Variants in DAB1 observed in about 807,000 individuals in gnomAD.
DAB1 encodes the protein disabled homolog 1.
Under a neutral mutation model 64.6 loss-of-function variants are expected in DAB1, and 15 were observed. The ratio of observed to expected loss-of-function variants is 0.23; its 90% CI spans 0.16 to 0.36. DAB1 has a LOEUF of 0.36. DAB1 is among the 10% of genes least tolerant of loss of function. DAB1 has a pLI of 1.00. For synonymous variants in DAB1, 235 were observed against 251.9 expected (o/e 0.93, Z 0.64); for missense variants, 596 against 706.7 (o/e 0.84, Z 1.78).
chr1:57,591,289 T>G (rs1019746822), intron 7 of DAB1, among the ~76,000 whole-genome samples: 13 of 152,172 alleles, frequency 8.5e-5, no homozygotes, highest in Admixed American at 3.9e-4. Context: ...AAACAATACC[T>G]TTTTGCAGAG....
At chr1:58,058,994 C>T (rs1407376284) in intron 5 of DAB1, among the ~76,000 whole-genome samples, 1 of 152,182 alleles carries the variant, frequency 6.6e-6, no homozygotes, top group Non-Finnish European at 1.5e-5. Flanking sequence ...TACCTCAGTT[C>T]CTTTAAGACA....
chr1:57,936,818 C>T (rs950486014), intron 5 of DAB1, among the ~76,000 whole-genome samples: 4 of 152,284 alleles, frequency 2.6e-5, no homozygotes, highest in Admixed American at 2.6e-4. Flanking sequence ...TACAAACTTT[C>T]TGTGAGGGCC....
chr1:58,074,581 T>TAC (rs1649520922), intron 5 of DAB1, among the ~76,000 whole-genome samples: 1 of 131,546 alleles, frequency 7.6e-6, no homozygotes, highest in African/African-American at 2.7e-5. Context: ...TATATATATA[T>TAC]ATATATATAT....
chr1:57,678,403 A>G (rs1646593737), intron 6 of DAB1, among the ~76,000 whole-genome samples: 1 of 152,212 alleles, frequency 6.6e-6, no homozygotes, highest in Non-Finnish European at 1.5e-5. Context: ...ATAAGCTCCC[A>G]TCATCCTTGC....
intron 1 of DAB1, among the ~76,000 whole-genome samples, chr1:57,859,834 T>C (rs1653928528): frequency 6.6e-6 from 1 of 152,202 alleles, no homozygotes; most frequent in Non-Finnish European, 1.5e-5. Flanking sequence ...CCACTGTGAA[T>C]ACCAGGACTA....
intron 6 of DAB1, among the ~76,000 whole-genome samples, chr1:57,787,012 A>G (rs1650368258): frequency 6.6e-6 from 1 of 152,204 alleles, no homozygotes; most frequent in South Asian, 2.1e-4. Context: ...GAGAATTCAG[A>G]AAAGACCTAA....
At chr1:57,139,269 T>G (rs1373480058) in intron 3 of DAB1, among the ~76,000 whole-genome samples, 1 of 152,104 alleles carries the variant, frequency 6.6e-6, no homozygotes, top group Non-Finnish European at 1.5e-5. Context: ...GAGAAGGAGT[T>G]CATTCCCCTT....
intron 11 of DAB1, among the ~76,000 whole-genome samples, chr1:57,022,423 A>G (rs1456822950): frequency 6.6e-6 from 1 of 152,250 alleles, no homozygotes; most frequent in Admixed American, 6.5e-5. Flanking sequence ...AGATTGGGAA[A>G]CTTCACAATT....
chr1:57,923,281 T>C (rs1266345439), intron 5 of DAB1, among the ~76,000 whole-genome samples: 1 of 152,136 alleles, frequency 6.6e-6, no homozygotes, highest in East Asian at 1.9e-4. Flanking sequence ...TGAGAAAGTA[T>C]GTATCCTAGC....
At chr1:57,803,912 T>C (rs1430846098) in intron 6 of DAB1, among the ~76,000 whole-genome samples, 1 of 152,184 alleles carries the variant, frequency 6.6e-6, no homozygotes, top group Non-Finnish European at 1.5e-5. Context: ...TGGTTACCTC[T>C]TTTTTACAAC....
At chr1:57,137,699 T>G (rs1658252018) in intron 3 of DAB1, among the ~76,000 whole-genome samples, 1 of 152,166 alleles carries the variant, frequency 6.6e-6, no homozygotes, top group Non-Finnish European at 1.5e-5. Context: ...GCAGTTATGG[T>G]TCTGGGCTTT....
chr1:57,145,146 G>A (rs893487401), intron 3 of DAB1, 144 bp downstream of exon 3: 38 of 799,974 alleles, frequency 4.8e-5, no homozygotes, highest in Admixed American at 1.1e-4. Flanking sequence ...AATATCTTCC[G>A]AATGAAAAAA....
chr1:57,176,948 A>G (rs1429292927), intron 2 of DAB1, among the ~76,000 whole-genome samples: 1 of 86,142 alleles, frequency 1.2e-5, no homozygotes, highest in East Asian at 2.7e-4. Flanking sequence ...AGAAGCAGAT[A>G]AAAAAAAGAA....
At chr1:57,232,052 C>T (rs995241335) in intron 2 of DAB1, among the ~76,000 whole-genome samples, 1 of 152,202 alleles carries the variant, frequency 6.6e-6, no homozygotes, top group Non-Finnish European at 1.5e-5. Context: ...GTAGCTTAAA[C>T]CTGAGGCTTC....
intron 5 of DAB1, among the ~76,000 whole-genome samples, chr1:57,949,097 C>T (rs754741389): frequency 2.6e-5 from 4 of 151,970 alleles, no homozygotes; most frequent in African/African-American, 7.3e-5. Context: ...CTTAGTGTTA[C>T]GTTAAGCCAG....
At chr1:57,922,563 G>A (rs867684310) in intron 5 of DAB1, among the ~76,000 whole-genome samples, 13 of 151,926 alleles carry the variant, frequency 8.6e-5, no homozygotes, top group South Asian at 4.2e-4. Flanking sequence ...TTTGTTCCCC[G>A]AAAAAATGTT....
chr1:58,204,537 G>T lies in DAB1; in HGVS notation n.310-53949C>A, dbSNP rs181818433. Among the ~76,000 whole-genome samples the T allele has an allele frequency of 6.6e-5, 10 of 152,298 alleles. No homozygotes were observed. In the East Asian group the frequency reaches 1.9e-3, roughly 29 times the overall value. On this transcript the variant is annotated intron_variant and non_coding_transcript_variant, in intron 4 of 20. Coordinates refer to the DAB1 transcript ENST00000485760. ...GAAGGGCAGAAGCCCAATACCAGGG[G>T]TGATGATACACAGATTAGCTCTGTG...
intron 7 of DAB1, among the ~76,000 whole-genome samples, chr1:57,487,851 C>T (rs926198901): frequency 1.3e-4 from 20 of 152,172 alleles, no homozygotes; most frequent in African/African-American, 4.1e-4. Context: ...AACTTTTTAA[C>T]GCTGACTAAT....
intron 7 of DAB1, among the ~76,000 whole-genome samples, chr1:57,592,562 C>T (rs1459862598): frequency 6.6e-6 from 1 of 151,808 alleles, no homozygotes; most frequent in Non-Finnish European, 1.5e-5. Flanking sequence ...CAATAGAAAA[C>T]CAAGTCAAAC....
Sources: allele counts gnomAD v4.1 joint callset (sites outside exome capture counted in the v4.1 genomes callset), GRCh38; gene constraint gnomAD v4.1.1; transcripts MANE v1.5; gene names NCBI Gene and HGNC (gene_info 2026-07-23, HGNC 2026-07-21).